The following VPS36 variants were observed in gnomAD, a reference collection of about 807,000 sequenced individuals.
VPS36 encodes the protein vacuolar protein-sorting-associated protein 36.
VPS36 carries 31 observed loss-of-function variants against 63.5 expected under a neutral mutation model. That is an observed-to-expected ratio of 0.49 (90% CI 0.37 to 0.66). The LOEUF (loss-of-function observed/expected upper bound fraction) is 0.66. VPS36 is among the 30% of genes least tolerant of loss of function. The pLI, the probability that VPS36 is intolerant of heterozygous loss-of-function variation, is 0.00. For synonymous variants in VPS36, 138 were observed against 157.2 expected, an observed-to-expected ratio of 0.88 and a Z score of 0.91; for missense variants, 338 against 463.7, an observed-to-expected ratio of 0.73 and a Z score of 2.49.
intron 6 of VPS36, among the ~76,000 whole-genome samples, 169 bp downstream of exon 6, chr13:52,433,493 G>C (rs915004744): frequency 3.8e-4 from 58 of 152,246 alleles, no homozygotes; most frequent in Non-Finnish European, 7.6e-4. Context: ...AAAAGGTTTT[G>C]GTTAGATTTT....
chr13:52,421,118 C>A (rs1182091361), intron 10 of VPS36, among the ~76,000 whole-genome samples: 1 of 151,908 alleles, frequency 6.6e-6, no homozygotes, highest in East Asian at 1.9e-4. Flanking sequence ...CTCAAAAATA[C>A]AAAACAAAAC....
intron 10 of VPS36, among the ~76,000 whole-genome samples, chr13:52,419,704 T>G (rs1318626986): frequency 1.3e-5 from 2 of 152,216 alleles, no homozygotes; most frequent in Non-Finnish European, 2.9e-5. Context: ...CCATGGTTAT[T>G]GCAGCACTAT....
intron 1 of VPS36, among the ~76,000 whole-genome samples, chr13:52,446,672 T>C (rs755299632): frequency 4.6e-5 from 7 of 152,066 alleles, no homozygotes; most frequent in Non-Finnish European, 1.0e-4. Flanking sequence ...GTTGAAAATC[T>C]CGAAAATATT....
At chr13:52,431,252 C>G (rs745960108) in intron 6 of VPS36, among the ~76,000 whole-genome samples, 22 of 152,148 alleles carry the variant, frequency 1.4e-4, no homozygotes, top group Non-Finnish European at 2.4e-4. Flanking sequence ...ATGGGGAAAA[C>G]ACATAAAATT....
At chr13:52,439,407 G>GT (rs1958250839) in intron 2 of VPS36, among the ~76,000 whole-genome samples, 1 of 151,890 alleles carries the variant, frequency 6.6e-6, no homozygotes, top group South Asian at 2.1e-4. Context: ...ACTAGCTTTT[G>GT]TTTTTACAAT....
intron 10 of VPS36, among the ~76,000 whole-genome samples, chr13:52,418,726 T>C (rs930825046): frequency 6.6e-6 from 1 of 152,232 alleles, no homozygotes; most frequent in Admixed American, 6.5e-5. Context: ...CCTTATTTTG[T>C]ACGAAGTCTT....
rs989401031 is a variant in VPS36, at chr13:52,414,420, G to A, written c.*1410C>T. 3.9e-5 allele frequency: 6 copies of A among 152,246 alleles called. No individual in the cohort carries two copies. The highest frequency in any genetic ancestry group is 1.4e-4 in the African/African-American group (6 of 41,466). The allele number at this position is 152,246 out of a possible 1,614,324, so 9.4% of individuals were successfully genotyped here. A position where few individuals can be genotyped will look rare whatever the true frequency, so the allele number is the denominator to read the frequency against. On this transcript the variant is annotated 3_prime_UTR_variant, in exon 14 of 14. Transcript: ENST00000378060. ...GGTTTGGAAAACAAAAACTAAAGTG[G>A]GATGTCTCAGGCACAGCATTCCTGT...
chr13:52,429,621 A>C (rs929248613), intron 6 of VPS36, among the ~76,000 whole-genome samples: 1 of 152,312 alleles, frequency 6.6e-6, no homozygotes, highest in Admixed American at 6.5e-5. Context: ...TAAATTAATG[A>C]TCTGCATGGT....
chr13:52,413,172 A>C lies in VPS36; in HGVS notation c.*2658T>G, dbSNP rs1458065148. The C allele has an allele frequency of 6.6e-6, 1 of 152,522 alleles. No homozygotes were observed. The highest frequency in any genetic ancestry group is 1.5e-5 in the Non-Finnish European group (1 of 68,048). The allele number at this position is 152,522 out of a possible 1,614,324, so 9.4% of individuals were successfully genotyped here. A position where few individuals can be genotyped will look rare whatever the true frequency, so the allele number is the denominator to read the frequency against. On this transcript the variant is annotated 3_prime_UTR_variant, in exon 14 of 14. Coordinates refer to ENST00000378060, the MANE Select transcript of VPS36 (RefSeq NM_016075.4). ...GACTTTTGGGCAAAAGAACCATTTT[A>C]AGTATTTGAGTATGAGAAAGATGAC...
intron 1 of VPS36, among the ~76,000 whole-genome samples, chr13:52,443,562 A>C (rs1346603303): frequency 6.6e-6 from 1 of 152,164 alleles, no homozygotes; most frequent in East Asian, 1.9e-4. Context: ...ATCTGCCAGC[A>C]CCTTGATCTT....
chr13:52,434,402 A>C lies in VPS36; in HGVS notation c.441+391T>G, dbSNP rs1162814781. ...GAGACGGAGTCTTGCTCTGTCGCCC[A>C]GGCTGAAGTGCAATGGTGCAATCTT... On this transcript the variant is annotated intron_variant, in intron 5 of 13. Transcript: ENST00000378060. 4.6e-5 allele frequency among the ~76,000 whole-genome samples: 7 copies of C among 152,218 alleles called. No individual in the cohort carries two copies. The South Asian group carries it at 8.3e-4, about 18-fold the overall frequency.
rs1958275984 is a variant in VPS36, at chr13:52,441,491, G to A, written c.165+886C>T. Among the ~76,000 whole-genome samples, 3 of 152,248 alleles carry A rather than the reference G, an allele frequency of 2.0e-5. No individual in the cohort carries two copies. In the South Asian group the frequency reaches 6.2e-4, roughly 32 times the overall value. ...AAACAGGTTGGGCAAGGTGGCTCAC[G>A]ACTGTGATCCCAGCACTTTGGGAGG... On this transcript the variant is annotated intron_variant, in intron 2 of 13. Transcript: ENST00000378060.
intron 8 of VPS36, among the ~76,000 whole-genome samples, chr13:52,426,655 AC>A (rs1330441230): frequency 6.6e-6 from 1 of 152,080 alleles, no homozygotes; most frequent in African/African-American, 2.4e-5. Context: ...GGAGATCGAG[AC>A]CATCCTGACT....
At position 52,450,619 on chromosome 13, in the gene VPS36, C is replaced by A; in HGVS notation, c.-25G>T. 6.5e-7 allele frequency: 1 copy of A among 1,549,548 alleles called. No homozygotes were observed. Among genetic ancestry groups the A allele is most frequent in the South Asian group, 1.2e-5 (1 of 84,888 alleles). On this transcript the variant is annotated 5_prime_UTR_variant, in exon 1 of 14. In the 5' UTR this introduces an upstream ATG that the reference lacks. Transcript: ENST00000378060. ...TGGCCGCTGCCACCCAGCCCCGGCC[C>A]TCCGAGGCCGCGAGCAGCGCGCCAG...
chr13:52,434,539 A>G (rs1332719562), intron 5 of VPS36, among the ~76,000 whole-genome samples: 1 of 152,036 alleles, frequency 6.6e-6, no homozygotes, highest in Admixed American at 6.6e-5. Flanking sequence ...TTGTATTTTT[A>G]GTAGAGACAG....
Position 52,426,043 on chromosome 13 carries a change from C to G in VPS36, c.663G>C (p.Leu221Phe). 7 of 1,613,964 alleles carry G rather than the reference C, an allele frequency of 4.3e-6. No individual in the cohort carries two copies. The highest frequency in any genetic ancestry group is 5.9e-6 in the Non-Finnish European group (7 of 1,179,920). Residue 221 changes from leucine (L) to phenylalanine (F), a missense_variant, in exon 9 of 14, where the codon TTG becomes TTC. By Grantham distance (22) the Leu-to-Phe change is conservative. Transcript: ENST00000378060. ...CTGGGTTAGCTATTCCCATGCTCAG[C>G]AAGTAGGATTTAAACCTGATGGTCT... The part of the protein sequence containing the change: ...EDETIRFKSY[L>F]LSMGIANPVT...
chr13:52,422,699 G>T (rs949902472), intron 10 of VPS36, among the ~76,000 whole-genome samples: 2 of 152,150 alleles, frequency 1.3e-5, no homozygotes, highest in Non-Finnish European at 1.5e-5. Context: ...ATAGCTTCCA[G>T]CTCCATCCAT....
intron 12 of VPS36, among the ~76,000 whole-genome samples, chr13:52,416,596 C>A (rs956855764): frequency 6.6e-6 from 1 of 152,164 alleles, no homozygotes; most frequent in South Asian, 2.1e-4. Flanking sequence ...TTCAAGCATC[C>A]TAATGAGTAA....
At chr13:52,433,546 T>A (rs1288221033) in intron 6 of VPS36, 116 bp downstream of exon 6, 2 of 864,100 alleles carry the variant, frequency 2.3e-6, no homozygotes, top group Admixed American at 2.8e-5. Context: ...GGAGACTATG[T>A]AGCTTCAGGC....
Sources: gnomAD v4.1 joint callset for allele counts (sites outside exome capture counted in the v4.1 genomes callset) on GRCh38, gnomAD v4.1.1 for gene constraint, MANE v1.5 for transcripts, NCBI Gene and HGNC (gene_info 2026-07-23, HGNC 2026-07-21) for gene names.